The following CFAP74 variants were observed in gnomAD, a reference collection of about 807,000 sequenced individuals.
CFAP74 encodes the protein cilia- and flagella-associated protein 74.
In CFAP74, 124 loss-of-function variants were observed where a neutral mutation model predicts 188.9. The ratio of observed to expected loss-of-function variants is 0.66; its 90% CI spans 0.57 to 0.76. The LOEUF (loss-of-function observed/expected upper bound fraction) is 0.76. Among genes scored for constraint, CFAP74 ranks in the 30% least tolerant of loss-of-function variants. The probability of loss-of-function intolerance (pLI) is 0.00; values close to 1 mark genes in which losing one functional copy is unlikely to be tolerated. For missense variants in CFAP74, 2,198 were observed against 2,165.2 expected (o/e 1.02, Z -0.30); for synonymous variants, 956 against 916.7 (o/e 1.04, Z -0.77).
Position 1,928,890 on chromosome 1 carries a change from G to C in CFAP74, c.3289-8C>G, listed in dbSNP as rs985333863. On this transcript the variant is annotated splice_region_variant and splice_polypyrimidine_tract_variant and intron_variant, in intron 26 of 38. Transcript: ENST00000682832. ...CACCTGGACCAGGCACCTCTGAGGA[G>C]AGACCAGCGTGGGCACAGGGGTTGC... The C allele has an allele frequency of 1.2e-5, 18 of 1,532,550 alleles. No individual in the cohort carries two copies. The highest frequency in any genetic ancestry group is 1.6e-5 in the Non-Finnish European group (18 of 1,144,038). 94.9% of individuals were successfully genotyped at this position (1,532,550 alleles called of 1,614,324 possible). A position where few individuals can be genotyped will look rare whatever the true frequency, so the allele number is the denominator to read the frequency against.
chr1:1,956,110 G>T (rs1393068984), intron 17 of CFAP74, among the ~76,000 whole-genome samples: 3 of 152,238 alleles, frequency 2.0e-5, no homozygotes, highest in Non-Finnish European at 4.4e-5. Context: ...TGCTGCCCCA[G>T]CCTGGGAGTG....
chr1:1,956,868 C>T, intron 16 of CFAP74, 84 bp from the exon 17 acceptor site: 1 of 1,427,300 alleles, frequency 7.0e-7, no homozygotes, highest in Non-Finnish European at 9.6e-7. Context: ...TGGCTCCAGG[C>T]AGGGCTGCCC....
intron 18 of CFAP74, among the ~76,000 whole-genome samples, chr1:1,949,546 C>T (rs1379217419): frequency 1.4e-5 from 1 of 69,842 alleles, no homozygotes; most frequent in Non-Finnish European, 3.0e-5. Flanking sequence ...AAAATGGACT[C>T]TTCTTAGTGG....
At chr1:1,986,916 C>A (rs2102103161) in intron 5 of CFAP74, 21 bp downstream of exon 5, 1 of 1,594,088 alleles carries the variant, frequency 6.3e-7, no homozygotes, top group East Asian at 2.2e-5. Context: ...GGTTCCCTGC[C>A]CCCTGGCGAG....
Position 1,968,862 on chromosome 1 carries a change from C to A in CFAP74, c.1047-29G>T. 1 of 1,607,462 alleles carries A rather than the reference C, an allele frequency of 6.2e-7. No homozygotes were observed. Among genetic ancestry groups the A allele is most frequent in the Non-Finnish European group, 8.5e-7 (1 of 1,176,010 alleles). On this transcript the variant is annotated intron_variant, in intron 10 of 38. Coordinates refer to ENST00000682832, the MANE Select transcript of CFAP74 (RefSeq NM_001304360.2). This position sits in a 1 kb window ranked among gnomAD's most constrained non-coding sequence, Gnocchi z 4.3. ...CGTGGAGTCGCTTCTCAGATGAGTG[C>A]AAGAGGTCCCCTGCCTCCACCTTGC...
At chr1:1,924,594 G>A in intron 33 of CFAP74, 74 bp from the exon 34 acceptor site, 5 of 1,512,260 alleles carry the variant, frequency 3.3e-6, no homozygotes, top group Non-Finnish European at 3.6e-6. Flanking sequence ...CGGTGCCCAG[G>A]ACTTGGCTGG....
Position 1,944,380 on chromosome 1 carries a change from T to C in CFAP74, c.2437A>G (p.Ile813Val). 1 of 1,536,016 alleles carries C rather than the reference T, an allele frequency of 6.5e-7. No homozygotes were observed. The highest frequency in any genetic ancestry group is 8.7e-7 in the Non-Finnish European group (1 of 1,146,892). The change falls in exon 21 of 39, where the codon ATC (isoleucine) becomes GTC (valine). Residue 813 changes from isoleucine (I) to valine (V), a missense_variant. Physicochemically the swap from Ile to Val is conservative, Grantham distance 29. Transcript: ENST00000682832. ...TGGTAGAGCCGGTCATACATGCAGATCTTCAGGTCCACGCTGGGCTTCGGC... is the reference window on the plus strand; with the variant it reads ...TGGTAGAGCCGGTCATACATGCAGACCTTCAGGTCCACGCTGGGCTTCGGC... ...WVPKPSVDLK[I>V]CMYDRLYQDS...
In CFAP74 at chr1:1,963,813, A is replaced by G. The variant is rs774736490; in HGVS notation, c.1630T>C (p.Tyr544His). The G allele has an allele frequency of 1.9e-6, 3 of 1,613,986 alleles. No individual in the cohort carries two copies. Among genetic ancestry groups the G allele is most frequent in the Non-Finnish European group, 1.7e-6 (2 of 1,179,978 alleles). Reference protein sequence around the residue: ...KKKITLVNTTYTINYCKLVGV... With the variant: ...KKKITLVNTTHTINYCKLVGV... ...ACCAGCTTGCAGTAGTTGATCGTGTAGGTGGTGTTTACCAACGTGATCTTT... is the reference window on the plus strand; with the variant it reads ...ACCAGCTTGCAGTAGTTGATCGTGTGGGTGGTGTTTACCAACGTGATCTTT... The change falls in exon 14 of 39, where the codon TAC (tyrosine) becomes CAC (histidine). Residue 544 changes from tyrosine to histidine, a missense_variant. Tyr to His is a moderately conservative substitution (Grantham distance 83). Transcript: ENST00000682832.
intron 15 of CFAP74, among the ~76,000 whole-genome samples, chr1:1,959,497 C>T (rs2102065140): frequency 6.6e-6 from 1 of 152,332 alleles, no homozygotes; most frequent in Non-Finnish European, 1.5e-5. Context: ...AACTTCTGGG[C>T]TCAAGCGACC....
At chr1:1,933,815 C>T (rs1652606789) in intron 25 of CFAP74, among the ~76,000 whole-genome samples, 1 of 152,126 alleles carries the variant, frequency 6.6e-6, no homozygotes, top group Non-Finnish European at 1.5e-5. Context: ...CTTTCTTCTA[C>T]TCTCTTTGGG....
Position 1,922,347 on chromosome 1 carries a change from C to G in CFAP74, c.4860G>C (p.Arg1620Ser), listed in dbSNP as rs200763442. Residue 1620 changes from arginine to serine, a missense_variant, in exon 39 of 39, where the codon AGG becomes AGC. Arg to Ser is a moderately radical substitution (Grantham distance 110). Coordinates refer to ENST00000682832, the MANE Select transcript of CFAP74 (RefSeq NM_001304360.2). ...CCTTGTAGGTCTCCTTCACATCCCCCCTTAGCTGCAGCAGGGCCGACACCA... is the reference window on the plus strand; with the variant it reads ...CCTTGTAGGTCTCCTTCACATCCCCGCTTAGCTGCAGCAGGGCCGACACCA... The part of the protein sequence containing the change: ...PLMVSALLQL[R>S]GDVKETYKVI... 4 of 1,602,824 alleles carry G rather than the reference C, an allele frequency of 2.5e-6. No homozygotes were observed. The highest frequency in any genetic ancestry group is 2.2e-5 in the South Asian group (2 of 89,574).
At position 1,940,406 on chromosome 1, in the gene CFAP74, G is replaced by C; in HGVS notation, c.2616-3C>G. The C allele has an allele frequency of 6.6e-7, 1 of 1,521,188 alleles. No homozygotes were observed. The highest frequency in any genetic ancestry group is 8.8e-7 in the Non-Finnish European group (1 of 1,138,976). The allele number at this position is 1,521,188 out of a possible 1,614,324, so 94.2% of individuals were successfully genotyped here. A position where few individuals can be genotyped will look rare whatever the true frequency, so the allele number is the denominator to read the frequency against. The stretch of plus-strand genomic sequence containing the variant: ...CTGCGTCCTCCGGGAGGGAGTGTCT[G>C]AAAGAGGCAGACAAGGCGAATGTGC... On this transcript the variant is annotated splice_polypyrimidine_tract_variant and splice_region_variant and intron_variant, in intron 22 of 38. Coordinates refer to ENST00000682832, the MANE Select transcript of CFAP74 (RefSeq NM_001304360.2).
intron 5 of CFAP74, among the ~76,000 whole-genome samples, chr1:1,986,355 G>A (rs533595939): frequency 7.2e-5 from 11 of 152,256 alleles, no homozygotes; most frequent in East Asian, 1.9e-4. Flanking sequence ...CACCCCCCAG[G>A]GCCGGGAGGA....
intron 17 of CFAP74, 44 bp from the exon 18 acceptor site, chr1:1,955,894 T>A: frequency 6.4e-7 from 1 of 1,574,798 alleles, no homozygotes; most frequent in South Asian, 1.1e-5. Context: ...GTTTCCCACC[T>A]CCTTTTCCCA....
At position 1,973,097 on chromosome 1, in the gene CFAP74, T is replaced by A. The variant is rs1375057565; in HGVS notation, c.675-50A>T. On this transcript the variant is annotated intron_variant, in intron 7 of 38. Coordinates refer to ENST00000682832, the MANE Select transcript of CFAP74 (RefSeq NM_001304360.2). This position sits in a 1 kb window ranked among gnomAD's most constrained non-coding sequence, Gnocchi z 6.2. ...GGGAAACTCGGCATCACACGTCCCATCTGCCCCCAAGCCCTGCACGGCTGG... is the reference window on the plus strand; with the variant it reads ...GGGAAACTCGGCATCACACGTCCCAACTGCCCCCAAGCCCTGCACGGCTGG... 1 of 1,372,884 alleles carries A rather than the reference T, an allele frequency of 7.3e-7. No individual in the cohort carries two copies. The highest frequency in any genetic ancestry group is 2.4e-5 in the East Asian group (1 of 42,098). 85.0% of individuals were successfully genotyped at this position (1,372,884 alleles called of 1,614,324 possible).
At position 1,922,699 on chromosome 1, in the gene CFAP74, C is replaced by T. The variant is rs908123212; in HGVS notation, c.4708G>A (p.Val1570Ile). The change falls in exon 38 of 39, where the codon GTC becomes ATC. Residue 1570 changes from valine (V) to isoleucine (I), a missense_variant. Physicochemically the swap from Val to Ile is conservative, Grantham distance 29. Coordinates refer to ENST00000682832, the MANE Select transcript of CFAP74 (RefSeq NM_001304360.2). ...AAACCCTTGTGCTGCAGGGATGCGA[C>T]GCTGTCTATGCTGAACTCAACGGTC... ...KKTVEFSIDS[V>I]ASLQHKGFSI... 1.7e-5 allele frequency: 28 copies of T among 1,601,270 alleles called. No homozygotes were observed. The highest frequency in any genetic ancestry group is 6.8e-5 in the East Asian group (3 of 44,030).
At chr1:1,992,358 G>A (rs1197743258) in intron 1 of CFAP74, among the ~76,000 whole-genome samples, 1 of 152,088 alleles carries the variant, frequency 6.6e-6, no homozygotes, top group African/African-American at 2.4e-5. Context: ...GAGATGGTGG[G>A]TCTCTCTTTG....
chr1:1,922,221 TG>T lies in CFAP74; in HGVS notation c.*65del. The T allele has an allele frequency of 8.2e-7, 1 of 1,221,538 alleles. No individual in the cohort carries two copies. Among genetic ancestry groups the T allele is most frequent in the Non-Finnish European group, 1.2e-6 (1 of 838,620 alleles). The allele number at this position is 1,221,538 out of a possible 1,614,324, so 75.7% of individuals were successfully genotyped here. ...TCCCAGGCTCTAGGGTAGTATGACC[TG>T]GCCCTCAGCCTGGGGAGGGCTTTGA... On this transcript the variant is annotated 3_prime_UTR_variant, in exon 39 of 39. Transcript: ENST00000682832.
In CFAP74 at chr1:1,942,258, G is replaced by A. The variant is rs2748980; in HGVS notation, c.2487-102C>T. 653,963 of 1,234,458 alleles carry A rather than the reference G, an allele frequency of 0.53. 174,215 individuals are homozygous for A. Among genetic ancestry groups the A allele is most frequent in the East Asian group, 0.6 (20,147 of 33,662 alleles). The allele number at this position is 1,234,458 out of a possible 1,614,324, so 76.5% of individuals were successfully genotyped here. ...AAACATTTCTGGCACCCAAGCCCCCGAGAGGTGCTCAGAGCCCACCCACTC... is the reference window on the plus strand; with the variant it reads ...AAACATTTCTGGCACCCAAGCCCCCAAGAGGTGCTCAGAGCCCACCCACTC... On this transcript the variant is annotated intron_variant, in intron 21 of 38. Transcript: ENST00000682832. The surrounding 1 kb of genome is among the most constrained non-coding windows in gnomAD (Gnocchi z 4.3).
Sources: gnomAD v4.1 joint callset for allele counts (sites outside exome capture counted in the v4.1 genomes callset) on GRCh38, gnomAD v4.1.1 for gene constraint, Gnocchi (gnomAD v3.1) non-coding constraint, MANE v1.5 for transcripts, NCBI Gene and HGNC (gene_info 2026-07-23, HGNC 2026-07-21) for gene names.